The following STAU2 variants were observed in gnomAD, a reference collection of about 807,000 sequenced individuals.
STAU2 encodes double-stranded RNA-binding protein Staufen homolog 2.
STAU2 carries 20 observed loss-of-function variants against 65.9 expected under a neutral mutation model. The ratio of observed to expected loss-of-function variants is 0.30; its 90% CI spans 0.21 to 0.44. The LOEUF (loss-of-function observed/expected upper bound fraction) is 0.44. Ranked by LOEUF, STAU2 falls within the 20% of genes least tolerant of loss-of-function variation. The probability of loss-of-function intolerance (pLI) is 1.00; values close to 1 mark genes in which losing one functional copy is unlikely to be tolerated. For missense variants in STAU2, 558 were observed against 683.9 expected (o/e 0.82, Z 2.05); for synonymous variants, 232 against 233.9 (o/e 0.99, Z 0.07).
chr8:73,512,052 T>C (rs1292047505), intron 13 of STAU2, among the ~76,000 whole-genome samples: 3 of 152,212 alleles, frequency 2.0e-5, no homozygotes, highest in South Asian at 2.1e-4. Flanking sequence ...TTATTGAAAA[T>C]TGATCAAAAA....
intron 12 of STAU2, among the ~76,000 whole-genome samples, chr8:73,577,442 T>G (rs1353331016): frequency 8.9e-6 from 1 of 112,054 alleles, no homozygotes; most frequent in Non-Finnish European, 1.9e-5. Flanking sequence ...AAAAAAAAAT[T>G]ATATATATAT....
chr8:73,586,558 CTT>C (rs2128965004), intron 11 of STAU2, among the ~76,000 whole-genome samples: 1 of 146,484 alleles, frequency 6.8e-6, no homozygotes, highest in Admixed American at 7.1e-5. Flanking sequence ...TTCCAAGACT[CTT>C]TTCTCATTTG....
At chr8:73,708,884 A>T (rs773469775) in intron 4 of STAU2, 148 bp downstream of exon 4, 5 of 641,732 alleles carry the variant, frequency 7.8e-6, no homozygotes, top group Non-Finnish European at 1.1e-5. Context: ...GTTTAGTTAC[A>T]TACTTTGAAA....
At position 73,657,403 on chromosome 8, in the gene STAU2, C is replaced by A. The variant is rs190680150; in HGVS notation, c.410+15704G>T. Among the ~76,000 whole-genome samples the A allele has an allele frequency of 1.2e-3, 189 of 152,090 alleles. No homozygotes were observed. The Middle Eastern group carries it at 0.014, about 11-fold the overall frequency. On this transcript the variant is annotated intron_variant, in intron 6 of 14. Coordinates refer to ENST00000524300, the MANE Select transcript of STAU2 (RefSeq NM_001164380.2). ...TAAACCTTTTATTAAGTAATTTGTA[C>A]ATGAAAGGGAAAATACAAACTAGAA... is the stretch of plus-strand genomic sequence containing the variant.
chr8:73,483,135 G>A (rs1820727531), intron 13 of STAU2, among the ~76,000 whole-genome samples: 1 of 152,044 alleles, frequency 6.6e-6, no homozygotes, highest in Non-Finnish European at 1.5e-5. Context: ...GTCTCTAGTA[G>A]CATAAAAATG....
intron 13 of STAU2, among the ~76,000 whole-genome samples, chr8:73,445,133 G>C (rs913120778): frequency 6.6e-6 from 1 of 152,214 alleles, no homozygotes; most frequent in East Asian, 1.9e-4. Context: ...ATTTACAAGT[G>C]AGTGAGCAGG....
At chr8:73,491,230 T>C (rs1012607222) in intron 13 of STAU2, among the ~76,000 whole-genome samples, 8 of 152,002 alleles carry the variant, frequency 5.3e-5, no homozygotes, top group African/African-American at 1.9e-4. Flanking sequence ...CAGCTGCTGA[T>C]TTGGTGACAT....
chr8:73,540,429 T>C (rs573332945), intron 13 of STAU2, among the ~76,000 whole-genome samples: 1 of 152,334 alleles, frequency 6.6e-6, no homozygotes, highest in Admixed American at 6.5e-5. Flanking sequence ...GCTGACACTT[T>C]GATTTCAGAC....
chr8:73,563,889 T>C (rs1381803610), intron 12 of STAU2, among the ~76,000 whole-genome samples: 1 of 152,178 alleles, frequency 6.6e-6, no homozygotes, highest in Non-Finnish European at 1.5e-5. Context: ...TATTCCTAAC[T>C]CATACATTGA....
intron 11 of STAU2, among the ~76,000 whole-genome samples, chr8:73,583,616 A>G (rs1810153658): frequency 6.6e-6 from 1 of 152,130 alleles, no homozygotes; most frequent in East Asian, 1.9e-4. Context: ...GGTAAGGGTC[A>G]CCAAATACTG....
intron 13 of STAU2, among the ~76,000 whole-genome samples, chr8:73,525,805 T>C (rs1263448253): frequency 2.0e-5 from 3 of 152,160 alleles, no homozygotes; most frequent in Non-Finnish European, 4.4e-5. Flanking sequence ...GATACATAGA[T>C]AGATATAAAG....
chr8:73,522,715 A>G (rs1441257233), intron 13 of STAU2, among the ~76,000 whole-genome samples: 1 of 152,214 alleles, frequency 6.6e-6, no homozygotes, highest in Non-Finnish European at 1.5e-5. Context: ...TGAATAAGGT[A>G]AACATGAGAA....
In STAU2 at chr8:73,549,779, C is replaced by T. The variant is rs183555076; in HGVS notation, c.1530+2233G>A. ...TGCAATAAAATAAAAAAGTTCTAAC[C>T]TAGAAACACAGAAAAAGAATTTATT... On this transcript the variant is annotated intron_variant, in intron 13 of 14. Coordinates refer to ENST00000524300, the MANE Select transcript of STAU2 (RefSeq NM_001164380.2). The T allele has an allele frequency of 2.0e-4, 194 of 985,540 alleles. 1 individual carries two copies. In the East Asian group the frequency reaches 7.4e-3, roughly 37 times the overall value. The allele number at this position is 985,540 out of a possible 1,614,324, so 61.0% of individuals were successfully genotyped here. A position where few individuals can be genotyped will look rare whatever the true frequency, so the allele number is the denominator to read the frequency against.
chr8:73,689,045 C>T (rs759070557), intron 4 of STAU2, among the ~76,000 whole-genome samples: 14 of 152,252 alleles, frequency 9.2e-5, no homozygotes, highest in Non-Finnish European at 1.3e-4. Context: ...GGTGTACATT[C>T]TGGGTAGAAT....
chr8:73,431,298 AC>A (rs998695258), intron 13 of STAU2, among the ~76,000 whole-genome samples: 2 of 152,212 alleles, frequency 1.3e-5, no homozygotes, highest in Admixed American at 1.3e-4. Flanking sequence ...CTTGTATTTT[AC>A]CACAGCCTAC....
Position 73,573,432 on chromosome 8 carries a change from C to T in STAU2, c.1222+9338G>A, listed in dbSNP as rs1809263618. On this transcript the variant is annotated intron_variant, in intron 12 of 14. Coordinates refer to ENST00000524300, the MANE Select transcript of STAU2 (RefSeq NM_001164380.2). The stretch of plus-strand genomic sequence containing the variant: ...AAGTTCATATGGAACCAAAAAAGAG[C>T]CTGCATTGCCAAGTCAATCCTAAGC... Among the ~76,000 whole-genome samples, 3 of 152,338 alleles carry T rather than the reference C, an allele frequency of 2.0e-5. No homozygotes were observed. In the South Asian group the frequency reaches 6.2e-4, roughly 32 times the overall value.
chr8:73,605,842 T>TACAC (rs1176899097), intron 9 of STAU2, among the ~76,000 whole-genome samples: 84 of 118,368 alleles, frequency 7.1e-4, no homozygotes, highest in African/African-American at 1.9e-3. Flanking sequence ...CACATACACA[T>TACAC]ACACACACAC....
At chr8:73,600,218 T>A (rs1811535858) in intron 10 of STAU2, among the ~76,000 whole-genome samples, 1 of 152,180 alleles carries the variant, frequency 6.6e-6, no homozygotes, top group Admixed American at 6.5e-5. Context: ...AGAGTTTCAG[T>A]AAAGACAAAC....
intron 13 of STAU2, among the ~76,000 whole-genome samples, chr8:73,525,058 C>T (rs1291311799): frequency 6.6e-6 from 1 of 152,118 alleles, no homozygotes; most frequent in African/African-American, 2.4e-5. Flanking sequence ...AGTGATCACA[C>T]CCCCTACTTT....
Sources: gnomAD v4.1 joint callset for allele counts (sites outside exome capture counted in the v4.1 genomes callset) on GRCh38, gnomAD v4.1.1 for gene constraint, MANE v1.5 for transcripts, NCBI Gene and HGNC (gene_info 2026-07-23, HGNC 2026-07-21) for gene names.